Variants in FIG4 observed in about 807,000 individuals in gnomAD.
The protein encoded by FIG4 is polyphosphoinositide phosphatase.
In FIG4, 112 loss-of-function variants were observed where a neutral mutation model predicts 118.6. The ratio of observed to expected loss-of-function variants is 0.94; its 90% CI spans 0.81 to 1.11. FIG4 has a LOEUF of 1.11. Among genes scored for constraint, FIG4 ranks in the 50% least tolerant of loss-of-function variants. The pLI, the probability that FIG4 is intolerant of heterozygous loss-of-function variation, is 0.00. For missense variants in FIG4, 969 were observed against 1,111.7 expected (o/e 0.87, Z 1.83); for synonymous variants, 369 against 381.2 (o/e 0.97, Z 0.37).
In FIG4 at chr6:109,786,448, C is replaced by A; in HGVS notation, c.2095C>A (p.Arg699Ser). The A allele has an allele frequency of 6.2e-7, 1 of 1,613,714 alleles. No homozygotes were observed. The highest frequency in any genetic ancestry group is 8.5e-7 in the Non-Finnish European group (1 of 1,179,688). The change falls in exon 18 of 23, where the codon CGT (arginine) becomes AGT (serine). Residue 699 changes from arginine (R) to serine (S), a missense_variant and splice_region_variant. This residue lies in a region of FIG4 where 330 missense variants were observed against 348.1 expected (regional missense o/e 0.95). Transcript: ENST00000230124. ...TTGCTTGGCTATGACAAGCTCAGCA[C>A]GGTATGTTGTGTGTATTCTGATACC... Reference protein sequence around the residue: ...TFCLAMTSSARDFMPKTVGID... With the variant: ...TFCLAMTSSASDFMPKTVGID...
chr6:109,813,281 T>C (rs1004240761), intron 22 of FIG4, among the ~76,000 whole-genome samples: 6 of 152,182 alleles, frequency 3.9e-5, no homozygotes, highest in African/African-American at 1.4e-4. Context: ...TTGTGGGTAT[T>C]TTTATACATA....
chr6:109,783,888 T>C (rs1243667000), intron 16 of FIG4, among the ~76,000 whole-genome samples: 1 of 152,220 alleles, frequency 6.6e-6, no homozygotes, highest in East Asian at 1.9e-4. Flanking sequence ...TTTAGGAACC[T>C]TTCCTGTTAG....
At chr6:109,698,661 G>A (rs930979452) in intron 1 of FIG4, among the ~76,000 whole-genome samples, 4 of 152,158 alleles carry the variant, frequency 2.6e-5, no homozygotes, top group African/African-American at 9.7e-5. Flanking sequence ...TCAGATTGAG[G>A]AATATTTCTT....
At chr6:109,754,093 T>C (rs1403256501) in intron 10 of FIG4, among the ~76,000 whole-genome samples, 6 of 152,236 alleles carry the variant, frequency 3.9e-5, no homozygotes, top group African/African-American at 1.2e-4. Flanking sequence ...AGATAGCTCT[T>C]ATTATTTTGA....
At chr6:109,704,863 G>A (rs961138177) in intron 1 of FIG4, among the ~76,000 whole-genome samples, 1 of 152,032 alleles carries the variant, frequency 6.6e-6, no homozygotes, top group Admixed American at 6.6e-5. Context: ...GGTATTATAG[G>A]GAGATGGGGG....
intron 1 of FIG4, among the ~76,000 whole-genome samples, chr6:109,704,271 G>A (rs989620011): frequency 2.6e-5 from 4 of 151,990 alleles, no homozygotes; most frequent in Admixed American, 6.6e-5. Context: ...CTCAGGCATC[G>A]AGCCTAGTGC....
At chr6:109,763,755 T>C (rs1284902619) in intron 12 of FIG4, among the ~76,000 whole-genome samples, 182 bp from the exon 13 acceptor site, 1 of 152,188 alleles carries the variant, frequency 6.6e-6, no homozygotes, top group Non-Finnish European at 1.5e-5. Flanking sequence ...TGGTAAGCAG[T>C]CTGCCTCAGT....
At position 109,797,896 on chromosome 6, in the gene FIG4, CAA is replaced by C. The variant is rs11341028; in HGVS notation, c.2546+1063_2546+1064del. Among the ~76,000 whole-genome samples, 483 of 78,880 alleles carry C rather than the reference CAA, an allele frequency of 6.1e-3. 4 individuals are homozygous for C. Among genetic ancestry groups the C allele is most frequent in the East Asian group, 0.022 (73 of 3,270 alleles). 51.7% of individuals were successfully genotyped at this position (78,880 alleles called of 152,430 possible). ...GGGTGACAGAGTGAGACTCCATCTC[CAA>C]AAAAAAAAAAAAAAAAATGAGTCAC... On this transcript the variant is annotated intron_variant, in intron 22 of 22. Coordinates refer to ENST00000230124, the MANE Select transcript of FIG4 (RefSeq NM_014845.6).
chr6:109,718,632 C>G (rs1042089042), intron 3 of FIG4, among the ~76,000 whole-genome samples: 2 of 152,100 alleles, frequency 1.3e-5, no homozygotes, highest in African/African-American at 4.8e-5. Context: ...GTTTCTTCTC[C>G]TCAGGCCTGG....
intron 3 of FIG4, among the ~76,000 whole-genome samples, chr6:109,717,958 G>T (rs533364844): frequency 1.3e-5 from 2 of 152,090 alleles, no homozygotes; most frequent in East Asian, 1.9e-4. Context: ...GTTCGTTCTC[G>T]CATTGCTATA....
intron 1 of FIG4, among the ~76,000 whole-genome samples, chr6:109,705,110 A>G (rs918530917): frequency 3.9e-5 from 6 of 152,094 alleles, no homozygotes; most frequent in African/African-American, 1.4e-4. Flanking sequence ...AAAAATTGGG[A>G]AAAAAATCAA....
intron 22 of FIG4, among the ~76,000 whole-genome samples, chr6:109,812,053 G>A (rs1162153191): frequency 1.3e-5 from 2 of 152,128 alleles, no homozygotes; most frequent in Admixed American, 6.5e-5. Flanking sequence ...TCCCCATGCT[G>A]TTCTCGTGAT....
chr6:109,742,298 C>CT (rs1003664053), intron 8 of FIG4, among the ~76,000 whole-genome samples: 3 of 151,964 alleles, frequency 2.0e-5, no homozygotes, highest in African/African-American at 7.3e-5. Context: ...CCCTCTTTGT[C>CT]TTTTTTGCCC....
chr6:109,821,869 A>G (rs1439729550), intron 22 of FIG4, among the ~76,000 whole-genome samples: 1 of 152,144 alleles, frequency 6.6e-6, no homozygotes, highest in Non-Finnish European at 1.5e-5. Context: ...CAACAGATAA[A>G]TTGTAAGAAA....
intron 18 of FIG4, among the ~76,000 whole-genome samples, chr6:109,787,108 A>C (rs1777987578): frequency 6.6e-6 from 1 of 152,114 alleles, no homozygotes; most frequent in South Asian, 2.1e-4. Context: ...CTTATGTGGC[A>C]TGGTTTCCAT....
intron 5 of FIG4, among the ~76,000 whole-genome samples, chr6:109,733,241 A>G (rs1048235358): frequency 1.3e-5 from 2 of 152,236 alleles, no homozygotes; most frequent in South Asian, 4.1e-4. Context: ...TTGCTTCTCT[A>G]TTTATAATAG....
At chr6:109,790,542 A>T (rs1778108129) in intron 19 of FIG4, among the ~76,000 whole-genome samples, 1 of 152,242 alleles carries the variant, frequency 6.6e-6, no homozygotes, top group East Asian at 1.9e-4. Flanking sequence ...TTTAATTTTT[A>T]GTTGCAAAAG....
chr6:109,822,719 A>G (rs1779037212), intron 22 of FIG4, among the ~76,000 whole-genome samples: 1 of 150,246 alleles, frequency 6.7e-6, no homozygotes. Flanking sequence ...AAAAGTTCAC[A>G]TGGCTTCACT....
chr6:109,761,272 A>G (rs144562339), intron 11 of FIG4, among the ~76,000 whole-genome samples: 70 of 151,738 alleles, frequency 4.6e-4, no homozygotes, highest in African/African-American at 1.7e-3. Context: ...CTTATTGCAG[A>G]CTCTGCCGCC....
Sources: allele counts gnomAD v4.1 joint callset (sites outside exome capture counted in the v4.1 genomes callset), GRCh38; gene constraint gnomAD v4.1.1; regional missense constraint gnomAD v4.1.1; transcripts MANE v1.5; gene names NCBI Gene and HGNC (gene_info 2026-07-23, HGNC 2026-07-21).